The following MAGI2 variants were observed in gnomAD, a reference collection of about 807,000 sequenced individuals.
MAGI2 encodes membrane associated guanylate kinase, WW and PDZ domain containing 2, also known as membrane-associated guanylate kinase, WW and PDZ domain-containing protein 2.
Under a neutral mutation model 133.3 loss-of-function variants are expected in MAGI2, and 35 were observed. The observed-to-expected ratio is 0.26, with a 90% CI of 0.20 to 0.35. The LOEUF (loss-of-function observed/expected upper bound fraction) is 0.35. MAGI2 is among the 10% of genes least tolerant of loss of function. The pLI is 1.00. For synonymous variants in MAGI2, 729 were observed against 710.6 expected (o/e 1.03, Z -0.41); for missense variants, 1,636 against 1,863.4 (o/e 0.88, Z 2.25).
intron 1 of MAGI2, among the ~76,000 whole-genome samples, chr7:79,096,590 C>A (rs992892353): frequency 3.9e-5 from 6 of 152,274 alleles, no homozygotes; most frequent in Middle Eastern, 3.4e-3. Flanking sequence ...ACATTTAGAC[C>A]TGCCAATGTT....
chr7:78,352,228 C>G (rs1455380199), intron 7 of MAGI2, among the ~76,000 whole-genome samples: 3 of 152,006 alleles, frequency 2.0e-5, no homozygotes, highest in Non-Finnish European at 4.4e-5. Flanking sequence ...CATAGTCTAG[C>G]AGGGGAGAGA....
At chr7:79,363,708 A>C (rs529516821) in intron 1 of MAGI2, among the ~76,000 whole-genome samples, 1 of 151,570 alleles carries the variant, frequency 6.6e-6, no homozygotes, top group East Asian at 2.0e-4. Context: ...AAAAAAAAAA[A>C]ACAGAATTGC....
intron 2 of MAGI2, among the ~76,000 whole-genome samples, chr7:78,686,119 AT>A (rs5885087): frequency 0.78 from 118,276 of 150,840 alleles, 46,703 homozygotes; most frequent in East Asian, 0.97. Context: ...ATGAAATGTG[AT>A]TTTTTTTTTC....
intron 7 of MAGI2, among the ~76,000 whole-genome samples, 168 bp from the exon 8 acceptor site, chr7:78,346,211 C>A (rs2151192242): frequency 6.6e-6 from 1 of 152,342 alleles, no homozygotes; most frequent in East Asian, 1.9e-4. Context: ...CTGTGTACAA[C>A]ACACATTTCT....
intron 1 of MAGI2, among the ~76,000 whole-genome samples, chr7:79,214,213 T>C (rs755957417): frequency 5.9e-5 from 9 of 151,354 alleles, no homozygotes; most frequent in Non-Finnish European, 8.8e-5. Context: ...TTATTGTTCT[T>C]CCAATAATTT....
At chr7:79,124,996 G>T in intron 1 of MAGI2, 1 of 257,382 alleles carries the variant, frequency 3.9e-6, no homozygotes, top group Non-Finnish European at 7.7e-6. Flanking sequence ...AAGCAAAGAG[G>T]GCCAACTCAA....
At chr7:78,617,653 T>C (rs941862066) in intron 3 of MAGI2, 2 of 152,108 alleles carry the variant, frequency 1.3e-5, no homozygotes, top group African/African-American at 4.8e-5. Flanking sequence ...TATTACTTTA[T>C]AAATTTTAAT....
chr7:78,165,522 T>C (rs1157562782), intron 15 of MAGI2, among the ~76,000 whole-genome samples: 1 of 152,180 alleles, frequency 6.6e-6, no homozygotes, highest in Non-Finnish European at 1.5e-5. Flanking sequence ...CGGGCATTTG[T>C]ATAAGCTGAG....
chr7:79,249,460 A>C (rs1833068634), intron 1 of MAGI2, among the ~76,000 whole-genome samples: 1 of 152,074 alleles, frequency 6.6e-6, no homozygotes. Flanking sequence ...AGGTTAATAA[A>C]AAAGACATTA....
chr7:79,088,099 A>G (rs935283580), intron 1 of MAGI2, among the ~76,000 whole-genome samples: 1 of 152,074 alleles, frequency 6.6e-6, no homozygotes, highest in Non-Finnish European at 1.5e-5. Flanking sequence ...GGCCATTTTC[A>G]TGATATTGAT....
chr7:78,753,470 A>G (rs1823645354), intron 2 of MAGI2, among the ~76,000 whole-genome samples: 1 of 152,258 alleles, frequency 6.6e-6, no homozygotes, highest in East Asian at 1.9e-4. Context: ...GTGAGACAAT[A>G]TTAAAGATAT....
At chr7:79,276,284 G>C (rs1297231771) in intron 1 of MAGI2, among the ~76,000 whole-genome samples, 1 of 152,134 alleles carries the variant, frequency 6.6e-6, no homozygotes, top group African/African-American at 2.4e-5. Flanking sequence ...ACTTTGAGGA[G>C]TTCAAGAATT....
chr7:78,028,820 G>A (rs1809239280), intron 21 of MAGI2, among the ~76,000 whole-genome samples: 1 of 135,340 alleles, frequency 7.4e-6, no homozygotes. Context: ...CTGCACTCCA[G>A]CCTGGGCAAC....
At chr7:78,224,594 A>G (rs1789169212) in intron 10 of MAGI2, among the ~76,000 whole-genome samples, 1 of 151,956 alleles carries the variant, frequency 6.6e-6, no homozygotes, top group Admixed American at 6.6e-5. Context: ...TGAGCCCAGG[A>G]GGTGGAGGTC....
At chr7:78,291,666 C>A (rs1033764333) in intron 9 of MAGI2, among the ~76,000 whole-genome samples, 5 of 152,082 alleles carry the variant, frequency 3.3e-5, no homozygotes, top group Admixed American at 3.3e-4. Context: ...TGATGAACAT[C>A]GATGCAAAAA....
chr7:79,441,189 T>A, intron 1 of MAGI2, among the ~76,000 whole-genome samples: 1 of 152,232 alleles, frequency 6.6e-6, no homozygotes, highest in Middle Eastern at 3.2e-3. Flanking sequence ...AACATGTGGA[T>A]ACTTGAACAA....
At chr7:78,076,911 G>C (rs968207395) in intron 21 of MAGI2, among the ~76,000 whole-genome samples, 3 of 139,380 alleles carry the variant, frequency 2.2e-5, no homozygotes, top group Non-Finnish European at 4.7e-5. Context: ...ACACGATCTT[G>C]AATTTTTGTC....
chr7:78,577,054 G>A (rs771413776), intron 3 of MAGI2, among the ~76,000 whole-genome samples: 3 of 152,128 alleles, frequency 2.0e-5, no homozygotes, highest in Non-Finnish European at 2.9e-5. Context: ...CCATGCACAG[G>A]ATATTGCTTT....
intron 1 of MAGI2, among the ~76,000 whole-genome samples, chr7:79,397,827 T>C (rs548926109): frequency 6.6e-6 from 1 of 152,282 alleles, no homozygotes; most frequent in Non-Finnish European, 1.5e-5. Context: ...ACTCACTGTA[T>C]ATTAAATGAA....
Sources: gnomAD v4.1 joint callset for allele counts (sites outside exome capture counted in the v4.1 genomes callset) on GRCh38, gnomAD v4.1.1 for gene constraint, MANE v1.5 for transcripts, NCBI Gene and HGNC (gene_info 2026-07-23, HGNC 2026-07-21) for gene names.